The following PHACTR4 variants were observed in gnomAD, a reference collection of about 807,000 sequenced individuals.
PHACTR4 encodes the protein protein phosphatase 1, regulatory subunit 124.
A neutral mutation model predicts 72.7 loss-of-function variants in PHACTR4; 51 were observed. That is an observed-to-expected ratio of 0.70 (90% CI 0.56 to 0.89). The LOEUF is 0.89. Among genes scored for constraint, PHACTR4 ranks in the 40% least tolerant of loss-of-function variants. PHACTR4 has a pLI of 0.00. For synonymous variants in PHACTR4, 255 were observed against 302.5 expected, an observed-to-expected ratio of 0.84 and a Z score of 1.63; for missense variants, 731 against 861.8, an observed-to-expected ratio of 0.85 and a Z score of 1.90.
At chr1:28,451,969 A>G (rs1325721316) in intron 2 of PHACTR4, among the ~76,000 whole-genome samples, 1 of 152,094 alleles carries the variant, frequency 6.6e-6, no homozygotes, top group East Asian at 1.9e-4. Context: ...ACTCTTTATT[A>G]TACAGCTAAA....
intron 2 of PHACTR4, among the ~76,000 whole-genome samples, chr1:28,458,152 GT>G (rs1658543196): frequency 2.0e-5 from 3 of 147,088 alleles, no homozygotes; most frequent in Non-Finnish European, 4.5e-5. Flanking sequence ...GTGTGTGTGT[GT>G]GTGTTTGAGA....
chr1:28,457,017 C>T (rs1158513408), intron 2 of PHACTR4, among the ~76,000 whole-genome samples: 4 of 152,108 alleles, frequency 2.6e-5, no homozygotes, highest in Non-Finnish European at 5.9e-5. Context: ...TTGTATAAGT[C>T]ATGCAACTAG....
At chr1:28,476,024 A>G in intron 7 of PHACTR4, 83 bp from the exon 8 acceptor site, 2 of 1,342,544 alleles carry the variant, frequency 1.5e-6, no homozygotes, top group Non-Finnish European at 2.0e-6. Flanking sequence ...CACCACGCCC[A>G]GTCTTTATTT....
intron 2 of PHACTR4, among the ~76,000 whole-genome samples, chr1:28,409,407 T>G (rs1037123491): frequency 6.6e-6 from 1 of 152,148 alleles, no homozygotes; most frequent in African/African-American, 2.4e-5. Flanking sequence ...CATTTCAAAG[T>G]GAGAGATATG....
At position 28,472,698 on chromosome 1, in the gene PHACTR4, T is replaced by A. The variant is rs947489331; in HGVS notation, c.824-856T>A. On this transcript the variant is annotated intron_variant, in intron 6 of 13. Transcript: ENST00000373839. ...CTCACTGCAGCCTCCGCCTCCCAGG[T>A]TCAAGAGATTCTCGTGCCTCAGCCT... Among the ~76,000 whole-genome samples, 10 of 151,930 alleles carry A rather than the reference T, an allele frequency of 6.6e-5. No homozygotes were observed. In the East Asian group the frequency reaches 9.7e-4, roughly 15 times the overall value.
intron 1 of PHACTR4, among the ~76,000 whole-genome samples, chr1:28,383,363 A>T (rs998207094): frequency 6.6e-6 from 1 of 151,464 alleles, no homozygotes; most frequent in African/African-American, 2.4e-5. Flanking sequence ...TTTTAAAATA[A>T]TTTTTTTTTC....
chr1:28,421,801 T>C (rs917758894), intron 2 of PHACTR4, among the ~76,000 whole-genome samples: 5 of 152,266 alleles, frequency 3.3e-5, no homozygotes, highest in Admixed American at 2.6e-4. Flanking sequence ...CCTGCTAGGA[T>C]GGGGAGCTTG....
rs907086419 is a variant in PHACTR4 at position 28,369,843 on chromosome 1, G to C, written c.-39+18G>C. ...AGATCTGGGTAAGTTCAGCGAGCAA[G>C]GGAAAGTGAGCAGGACGCGCTCAGT... On this transcript the variant is annotated intron_variant, in intron 1 of 13. Transcript: ENST00000373839. 1 of 445,036 alleles carries C rather than the reference G, an allele frequency of 2.2e-6. No homozygotes were observed. Among genetic ancestry groups the C allele is most frequent in the African/African-American group, 2.0e-5 (1 of 48,850 alleles). 27.6% of individuals were successfully genotyped at this position (445,036 alleles called of 1,614,324 possible).
chr1:28,412,333 C>G (rs555011497), intron 2 of PHACTR4, among the ~76,000 whole-genome samples: 28 of 152,256 alleles, frequency 1.8e-4, no homozygotes, highest in Non-Finnish European at 3.5e-4. Flanking sequence ...AGAAAACTGT[C>G]TAGTTCAGTT....
chr1:28,459,847 A>G (rs1658671801), intron 3 of PHACTR4, among the ~76,000 whole-genome samples: 1 of 152,212 alleles, frequency 6.6e-6, no homozygotes, highest in Non-Finnish European at 1.5e-5. Flanking sequence ...CAAATCTAAG[A>G]TGCTTCTTTC....
chr1:28,416,078 T>C (rs899672633), intron 2 of PHACTR4, among the ~76,000 whole-genome samples: 41 of 152,174 alleles, frequency 2.7e-4, no homozygotes, highest in African/African-American at 9.4e-4. Flanking sequence ...GCTCAAAATA[T>C]GCCAGTAACA....
chr1:28,468,600 A>C (rs970674135), intron 6 of PHACTR4, among the ~76,000 whole-genome samples: 2 of 151,964 alleles, frequency 1.3e-5, no homozygotes, highest in African/African-American at 4.8e-5. Flanking sequence ...CTCAAAAAAA[A>C]AGAAGAAGGT....
Position 28,466,565 on chromosome 1 carries a change from C to T in PHACTR4, c.620C>T (p.Ala207Val), listed in dbSNP as rs777195928. The T allele has an allele frequency of 3.1e-6, 5 of 1,614,102 alleles. No homozygotes were observed. The South Asian group carries it at 5.5e-5, about 18-fold the overall frequency. Residue 207 changes from alanine (A) to valine (V), a missense_variant, in exon 6 of 14, where the codon GCA (alanine) becomes GTA (valine). Around this residue, in one of 2 missense-constraint regions of PHACTR4, gnomAD observed 621 missense variants for 676.6 expected, o/e 0.92. Transcript: ENST00000373839. ...RFIISTSITT[A>V]PAATTAATSL... is the part of the protein sequence containing the mutation. ...ATCATCTCCACCTCCATCACCACAG[C>T]ACCCGCTGCCACCACTGCTGCCACA...
At chr1:28,415,928 T>G (rs559174879) in intron 2 of PHACTR4, among the ~76,000 whole-genome samples, 1 of 152,320 alleles carries the variant, frequency 6.6e-6, no homozygotes, top group South Asian at 2.1e-4. Context: ...GTATCTGAAT[T>G]TATGAATTAT....
intron 4 of PHACTR4, among the ~76,000 whole-genome samples, chr1:28,460,763 C>T (rs1288758703): frequency 6.6e-6 from 1 of 152,132 alleles, no homozygotes; most frequent in African/African-American, 2.4e-5. Flanking sequence ...CCCGCCTTGG[C>T]CTCCCAAAGT....
intron 2 of PHACTR4, among the ~76,000 whole-genome samples, chr1:28,410,751 G>C (rs1654724813): frequency 6.6e-6 from 1 of 152,200 alleles, no homozygotes; most frequent in East Asian, 1.9e-4. Context: ...TTGTCGCCAA[G>C]GCTGGAGTGC....
At chr1:28,429,511 A>G (rs574123542) in intron 2 of PHACTR4, among the ~76,000 whole-genome samples, 63 of 152,314 alleles carry the variant, frequency 4.1e-4, no homozygotes, top group African/African-American at 1.4e-3. Flanking sequence ...ATGATGGGCT[A>G]TTCTATCCAT....
intron 2 of PHACTR4, among the ~76,000 whole-genome samples, chr1:28,413,971 G>A (rs112761521): frequency 0.011 from 1,700 of 152,284 alleles, 26 homozygotes; most frequent in African/African-American, 0.038. Flanking sequence ...ATGGTAAGGG[G>A]TGAAGAAAAC....
intron 4 of PHACTR4, among the ~76,000 whole-genome samples, chr1:28,465,066 G>A (rs1196056190): frequency 6.6e-6 from 1 of 152,022 alleles, no homozygotes. Context: ...ACATGTATTG[G>A]AAAAAGAAAT....
Sources: gnomAD v4.1 joint callset for allele counts (sites outside exome capture counted in the v4.1 genomes callset) on GRCh38, gnomAD v4.1.1 for gene constraint, gnomAD v4.1.1 regional missense constraint, MANE v1.5 for transcripts, NCBI Gene and HGNC (gene_info 2026-07-23, HGNC 2026-07-21) for gene names.